Variants in CCDC146 observed in about 807,000 individuals in gnomAD.
The protein encoded by CCDC146 is coiled-coil domain containing 146, also known as coiled-coil domain-containing protein 146.
In CCDC146, 92 loss-of-function variants were observed where a neutral mutation model predicts 119.3. The ratio of observed to expected loss-of-function variants is 0.77; its 90% confidence interval spans 0.65 to 0.92. The LOEUF (loss-of-function observed/expected upper bound fraction) is 0.92, where lower values mean the gene tolerates loss of function less well. Ranked by LOEUF, CCDC146 falls within the 40% of genes least tolerant of loss-of-function variation. The pLI, the probability that CCDC146 is intolerant of heterozygous loss-of-function variation, is 0.00. For synonymous variants in CCDC146, 372 were observed against 371.8 expected (o/e 1.00, Z -0.01); for missense variants, 1,000 against 1,103.0 (o/e 0.91, Z 1.32).
At chr7:77,160,707 A>G (rs941404969) in intron 1 of CCDC146, among the ~76,000 whole-genome samples, 1 of 152,190 alleles carries the variant, frequency 6.6e-6, no homozygotes, top group Non-Finnish European at 1.5e-5. Context: ...CAATCATGTC[A>G]TCTGCAAACA....
Position 77,145,586 on chromosome 7 carries a change from T to C in CCDC146, c.-11-22072T>C, listed in dbSNP as rs11976506. Among the ~76,000 whole-genome samples the C allele has an allele frequency of 7.8e-3, 1,185 of 151,448 alleles. 16 individuals are homozygous for C. Among genetic ancestry groups the C allele is most frequent in the African/African-American group, 0.027 (1,117 of 40,722 alleles). On this transcript the variant is annotated intron_variant, in intron 1 of 18. Coordinates refer to ENST00000285871, the MANE Select transcript of CCDC146 (RefSeq NM_020879.3). ...ATAAATTTCCCTCTACACACTGCTT[T>C]AAATGTGTCCCAGAGATTCTGATAT... is the stretch of plus-strand genomic sequence containing the variant.
In CCDC146 at chr7:77,234,926, A is replaced by C. The variant is rs555916341; in HGVS notation, c.157-2021A>C. On this transcript the variant is annotated intron_variant, in intron 2 of 18. Transcript: ENST00000285871. ...CCTGGCACCAGATAGTATGGCCCTCATGAAAGATCCCCAACACTTTCACAA... is the reference window on the plus strand; with the variant it reads ...CCTGGCACCAGATAGTATGGCCCTCCTGAAAGATCCCCAACACTTTCACAA... Among the ~76,000 whole-genome samples the C allele has an allele frequency of 3.5e-4, 54 of 152,290 alleles. No homozygotes were observed. The South Asian group carries it at 0.011, about 32-fold the overall frequency.
At chr7:77,251,098 T>G (rs1793052214) in intron 4 of CCDC146, among the ~76,000 whole-genome samples, 1 of 151,118 alleles carries the variant, frequency 6.6e-6, no homozygotes, top group African/African-American at 2.4e-5. Context: ...CTCGGCTCAC[T>G]GCAACCTCTG....
At chr7:77,146,369 A>G (rs1205477653) in intron 1 of CCDC146, among the ~76,000 whole-genome samples, 1 of 151,254 alleles carries the variant, frequency 6.6e-6, no homozygotes, top group African/African-American at 2.5e-5. Context: ...TCTTTATCCA[A>G]TTTGCCAGTC....
At chr7:77,145,162 C>G (rs1790995514) in intron 1 of CCDC146, among the ~76,000 whole-genome samples, 1 of 151,686 alleles carries the variant, frequency 6.6e-6, no homozygotes, top group African/African-American at 2.4e-5. Context: ...TGTATGTGTC[C>G]AGGAATTTAT....
chr7:77,249,544 A>T (rs1469974598), intron 4 of CCDC146, among the ~76,000 whole-genome samples: 1 of 149,690 alleles, frequency 6.7e-6, no homozygotes, highest in East Asian at 1.9e-4. Context: ...TGACTCTTTT[A>T]TCATTATATA....
At chr7:77,254,806 T>C (rs1043179964) in intron 5 of CCDC146, among the ~76,000 whole-genome samples, 1 of 152,234 alleles carries the variant, frequency 6.6e-6, no homozygotes, top group African/African-American at 2.4e-5. Context: ...CAATATCTGC[T>C]TTGTTTTCAG....
chr7:77,168,721 A>C (rs1791375245), intron 2 of CCDC146, among the ~76,000 whole-genome samples: 1 of 152,146 alleles, frequency 6.6e-6, no homozygotes, highest in South Asian at 2.1e-4. Context: ...TATTCAGGAC[A>C]GTTGCAAGAT....
In CCDC146 at chr7:77,287,773, A is replaced by G. The variant is rs566436567; in HGVS notation, c.2415+196A>G. Among the ~76,000 whole-genome samples, 5 of 152,354 alleles carry G rather than the reference A, an allele frequency of 3.3e-5. No individual in the cohort carries two copies. In the South Asian group the frequency reaches 1.0e-3, roughly 32 times the overall value. ...CTTATTCCCTGAATTAATTCACTTC[A>G]CGGTGGCAAAACCTAGGCTTTTAAA... On this transcript the variant is annotated intron_variant, in intron 17 of 18. Transcript: ENST00000285871.
intron 2 of CCDC146, among the ~76,000 whole-genome samples, chr7:77,186,061 A>T (rs933565278): frequency 1.3e-5 from 2 of 152,194 alleles, no homozygotes; most frequent in African/African-American, 4.8e-5. Flanking sequence ...AATTAGCACA[A>T]CCACTATGGA....
At position 77,196,798 on chromosome 7, in the gene CCDC146, T is replaced by C. The variant is rs753328837; in HGVS notation, c.156+28974T>C. ...CAAAGCCTGCTTTGTAGTCTTGCCA[T>C]GTTCTGGTGAAGTTGGTGCTCCCAT... On this transcript the variant is annotated intron_variant, in intron 2 of 18. Transcript: ENST00000285871. The surrounding 1 kb of genome is among the most constrained non-coding windows in gnomAD (Gnocchi z 4.2). 4 of 1,614,082 alleles carry C rather than the reference T, an allele frequency of 2.5e-6. No homozygotes were observed. In the Admixed American group the frequency reaches 6.7e-5, roughly 27 times the overall value.
intron 2 of CCDC146, among the ~76,000 whole-genome samples, chr7:77,181,591 T>G (rs1172408327): frequency 1.3e-5 from 2 of 152,226 alleles, no homozygotes; most frequent in Non-Finnish European, 2.9e-5. Context: ...AACTACTTTT[T>G]GTGTGAATTC....
intron 1 of CCDC146, among the ~76,000 whole-genome samples, chr7:77,160,387 C>G (rs989584195): frequency 6.6e-6 from 1 of 152,132 alleles, no homozygotes; most frequent in Admixed American, 6.6e-5. Flanking sequence ...GATATTGATT[C>G]TTTCTACCCA....
chr7:77,222,718 G>A (rs941286722), intron 2 of CCDC146, among the ~76,000 whole-genome samples: 12 of 152,208 alleles, frequency 7.9e-5, no homozygotes, highest in African/African-American at 2.9e-4. Context: ...CTTCATACAT[G>A]TGTAGCCCTT....
chr7:77,279,225 C>T, intron 13 of CCDC146, 124 bp downstream of exon 13: 2 of 814,830 alleles, frequency 2.5e-6, no homozygotes, highest in Non-Finnish European at 3.8e-6. Context: ...GATGGTGCCA[C>T]TGCCCTCCAG....
At chr7:77,182,743 A>G (rs1791608700) in intron 2 of CCDC146, among the ~76,000 whole-genome samples, 1 of 152,198 alleles carries the variant, frequency 6.6e-6, no homozygotes, top group Non-Finnish European at 1.5e-5. Context: ...TGCATGAGCC[A>G]AGATCAGACC....
Position 77,292,967 on chromosome 7 carries a change from A to T in CCDC146, c.2431A>T (p.Arg811Ter), listed in dbSNP as rs201527819. The T allele has an allele frequency of 6.2e-7, 1 of 1,613,894 alleles. No individual in the cohort carries two copies. The highest frequency in any genetic ancestry group is 1.3e-5 in the African/African-American group (1 of 74,994). Residue 811 changes from arginine (R) to a stop codon, truncating the protein, a stop_gained, in exon 18 of 19, where the codon AGA becomes TGA. Coordinates refer to ENST00000285871, the MANE Select transcript of CCDC146 (RefSeq NM_020879.3). LOFTEE classifies it high-confidence loss of function. The stretch of plus-strand genomic sequence containing the variant: ...TTAATTCTAGATGAATGGCTATCAA[A>T]GAAGGATCAAAAATGCAACTGAGAA... ...LLAKKMNGYQ[R>*]RIKNATEKMM...
intron 1 of CCDC146, among the ~76,000 whole-genome samples, chr7:77,127,722 A>G (rs1562809466): frequency 1.3e-5 from 2 of 152,120 alleles, no homozygotes; most frequent in Non-Finnish European, 2.9e-5. Context: ...TCTCCAATTT[A>G]TAAACCTTCA....
chr7:77,142,597 A>G (rs1269561461), intron 1 of CCDC146, among the ~76,000 whole-genome samples: 2 of 147,984 alleles, frequency 1.4e-5, no homozygotes, highest in African/African-American at 5.0e-5. Context: ...CCGGTGTGTG[A>G]TGTTCCCCTT....
Sources: allele counts gnomAD v4.1 joint callset (sites outside exome capture counted in the v4.1 genomes callset), GRCh38; gene constraint gnomAD v4.1.1; non-coding constraint Gnocchi (gnomAD v3.1); transcripts MANE v1.5; gene names NCBI Gene and HGNC (gene_info 2026-07-23, HGNC 2026-07-21).